Variants in RYR3 observed in about 807,000 individuals in gnomAD.
The protein encoded by RYR3 is ryanodine receptor 3.
A neutral mutation model predicts 584.3 loss-of-function variants in RYR3; 207 were observed. The ratio of observed to expected loss-of-function variants is 0.35; its 90% confidence interval spans 0.32 to 0.40. The LOEUF (loss-of-function observed/expected upper bound fraction) is 0.40. Ranked by LOEUF, RYR3 falls within the 10% of genes least tolerant of loss-of-function variation. The pLI is 1.00. For synonymous variants in RYR3, 2,416 were observed against 2,248.5 expected (o/e 1.07, Z -2.11); for missense variants, 5,616 against 6,089.2 (o/e 0.92, Z 2.59).
Position 33,800,788 on chromosome 15 carries a change from T to G in RYR3, c.9849T>G (p.Ser3283Arg). 6.2e-7 allele frequency: 1 copy of G among 1,613,694 alleles called. No homozygotes were observed. The highest frequency in any genetic ancestry group is 1.3e-5 in the African/African-American group (1 of 75,052). ...VDNNRSNWLK[S>R]PDADSDQLFR... is the part of the protein sequence containing the mutation. Reference sequence around the variant, plus strand: ...GACCCAGATCTAACTGGCTGAAAAGTCCTGATGCTGATTCTGACCAGCTCT... The same window carrying G: ...GACCCAGATCTAACTGGCTGAAAAGGCCTGATGCTGATTCTGACCAGCTCT... Residue 3283 changes from serine to arginine, a missense_variant, in exon 68 of 104, where the codon AGT (serine) becomes AGG (arginine). Around this residue, in one of 9 missense-constraint regions of RYR3, gnomAD observed 954 missense variants for 1,132.2 expected, o/e 0.84. Transcript: ENST00000634891.
chr15:33,710,470 A>T, intron 43 of RYR3, among the ~76,000 whole-genome samples: 1 of 151,130 alleles, frequency 6.6e-6, no homozygotes, highest in Non-Finnish European at 1.5e-5. Context: ...CAGCCTTCCG[A>T]GCAGCTGGGA....
intron 3 of RYR3, among the ~76,000 whole-genome samples, chr15:33,518,346 T>A (rs1349139051): frequency 6.6e-6 from 1 of 152,230 alleles, no homozygotes; most frequent in African/African-American, 2.4e-5. Context: ...AATTATTATT[T>A]TTTTTCTTCA....
chr15:33,469,734 T>TG (rs1332065946), intron 1 of RYR3, among the ~76,000 whole-genome samples: 1 of 152,110 alleles, frequency 6.6e-6, no homozygotes, highest in Non-Finnish European at 1.5e-5. Context: ...ACCACCAGGT[T>TG]GGAGGTACAG....
At chr15:33,852,937 C>A (rs2079256619) in intron 94 of RYR3, 108 bp from the exon 95 acceptor site, 1 of 947,706 alleles carries the variant, frequency 1.1e-6, no homozygotes, top group South Asian at 1.5e-5. Flanking sequence ...GTGAGCAGGA[C>A]ACAAACCAGA....
At chr15:33,359,489 ACT>A (rs1192118543) in intron 1 of RYR3, among the ~76,000 whole-genome samples, 20 of 151,854 alleles carry the variant, frequency 1.3e-4, no homozygotes, top group Admixed American at 1.3e-3. Context: ...TACTTGGGAT[ACT>A]CTTTCCCCAG....
intron 38 of RYR3, among the ~76,000 whole-genome samples, chr15:33,695,809 A>T (rs985208282): frequency 1.3e-5 from 2 of 151,672 alleles, no homozygotes; most frequent in African/African-American, 4.8e-5. Flanking sequence ...TTTTTGAGAC[A>T]GAGTCTCACT....
intron 1 of RYR3, among the ~76,000 whole-genome samples, chr15:33,344,465 G>C (rs1972196643): frequency 6.6e-6 from 1 of 151,962 alleles, no homozygotes; most frequent in Admixed American, 6.6e-5. Flanking sequence ...CCATTTGCTT[G>C]TTTTTGTACG....
rs142098519 is a variant in RYR3, at chr15:33,741,879, G to A, written c.7821-487G>A. ...TCCATCCACCTCGGCCTCCCAAAGT[G>A]CTGGGATTACAGGCGTGAGCCACAG... On this transcript the variant is annotated intron_variant, in intron 51 of 103. Transcript: ENST00000634891. Among the ~76,000 whole-genome samples, 272 of 152,270 alleles carry A rather than the reference G, an allele frequency of 1.8e-3. 1 individual carries two copies. The highest frequency in any genetic ancestry group is 6.4e-3 in the African/African-American group (267 of 41,558).
At chr15:33,379,676 TC>T (rs2041023592) in intron 1 of RYR3, among the ~76,000 whole-genome samples, 1 of 124,936 alleles carries the variant, frequency 8.0e-6, no homozygotes, top group African/African-American at 3.5e-5. Flanking sequence ...CCTCTCTCTC[TC>T]TCTCTCTCTC....
chr15:33,730,450 A>G (rs148773786), intron 47 of RYR3, among the ~76,000 whole-genome samples: 2 of 152,324 alleles, frequency 1.3e-5, no homozygotes, highest in African/African-American at 4.8e-5. Flanking sequence ...CTGTATATTA[A>G]AGTGATAAAT....
intron 3 of RYR3, among the ~76,000 whole-genome samples, chr15:33,510,995 A>G (rs2052934168): frequency 6.6e-6 from 1 of 152,224 alleles, no homozygotes. Flanking sequence ...ATATGCCATC[A>G]GGAAGACCTT....
chr15:33,629,213 G>A (rs2061149807), intron 21 of RYR3, among the ~76,000 whole-genome samples: 1 of 152,194 alleles, frequency 6.6e-6, no homozygotes, highest in African/African-American at 2.4e-5. Flanking sequence ...CTGTCGTGTA[G>A]TACAGGCATT....
intron 1 of RYR3, among the ~76,000 whole-genome samples, chr15:33,447,412 C>G (rs1329740556): frequency 1.3e-5 from 2 of 152,158 alleles, no homozygotes; most frequent in African/African-American, 4.8e-5. Flanking sequence ...CAGGAGCATT[C>G]TGTTTTCCTA....
chr15:33,650,265 T>TA (rs1178333203), intron 31 of RYR3, among the ~76,000 whole-genome samples: 1 of 152,146 alleles, frequency 6.6e-6, no homozygotes, highest in Non-Finnish European at 1.5e-5. Flanking sequence ...TAATCCCAGC[T>TA]ACTCGGGAGG....
At chr15:33,551,962 A>G (rs190640104) in intron 10 of RYR3, among the ~76,000 whole-genome samples, 2 of 152,296 alleles carry the variant, frequency 1.3e-5, no homozygotes, top group African/African-American at 2.4e-5. Flanking sequence ...GGTGGAAAAT[A>G]AGAAATGACT....
chr15:33,778,460 A>C (rs1483642972), intron 64 of RYR3, among the ~76,000 whole-genome samples: 7 of 152,206 alleles, frequency 4.6e-5, no homozygotes. Context: ...CACTATCCTC[A>C]GTTGTCACCG....
At chr15:33,453,782 C>T (rs943671420) in intron 1 of RYR3, among the ~76,000 whole-genome samples, 1 of 152,114 alleles carries the variant, frequency 6.6e-6, no homozygotes, top group Admixed American at 6.5e-5. Context: ...ATACTAATGT[C>T]TTCCTGTGTT....
At chr15:33,425,825 G>A (rs2044592801) in intron 1 of RYR3, among the ~76,000 whole-genome samples, 1 of 151,820 alleles carries the variant, frequency 6.6e-6, no homozygotes, top group South Asian at 2.1e-4. Context: ...TGTATTTTTA[G>A]TAGAGACGGG....
chr15:33,668,997 G>C (rs1043783203), intron 36 of RYR3, among the ~76,000 whole-genome samples: 2 of 152,100 alleles, frequency 1.3e-5, no homozygotes, highest in African/African-American at 4.8e-5. Flanking sequence ...GTAACATTAA[G>C]TGGAAAACTC....
Sources: gnomAD v4.1 joint callset for allele counts (sites outside exome capture counted in the v4.1 genomes callset) on GRCh38, gnomAD v4.1.1 for gene constraint, gnomAD v4.1.1 regional missense constraint, MANE v1.5 for transcripts, NCBI Gene and HGNC (gene_info 2026-07-23, HGNC 2026-07-21) for gene names.